The following CGREF1 variants were observed in gnomAD, a reference collection of about 807,000 sequenced individuals.
The protein encoded by CGREF1 is cell growth regulator with EF-hand domain 1, also known as cell growth regulator with EF hand domain protein 1.
A neutral mutation model predicts 17.4 loss-of-function variants in CGREF1; 16 were observed. The ratio of observed to expected loss-of-function variants is 0.92; its 90% confidence interval spans 0.62 to 1.40. The LOEUF (loss-of-function observed/expected upper bound fraction) is 1.40, where lower values mean the gene tolerates loss of function less well. Ranked by LOEUF, CGREF1 falls within the 40% of genes most tolerant of loss-of-function variation. The pLI, the probability that CGREF1 is intolerant of heterozygous loss-of-function variation, is 0.00. For synonymous variants in CGREF1, 142 were observed against 154.6 expected (o/e 0.92, Z 0.61); for missense variants, 296 against 376.4 (o/e 0.79, Z 1.77).
At chr2:27,103,873 C>T (rs1414997398) in intron 2 of CGREF1, among the ~76,000 whole-genome samples, 1 of 152,114 alleles carries the variant, frequency 6.6e-6, no homozygotes, top group Non-Finnish European at 1.5e-5. Context: ...GTCCCAGCTA[C>T]TCGGGAGGCT....
intron 1 of CGREF1, among the ~76,000 whole-genome samples, chr2:27,117,180 G>T (rs1660557818): frequency 6.6e-6 from 1 of 151,998 alleles, no homozygotes; most frequent in African/African-American, 2.4e-5. Flanking sequence ...CAAAGTGCTG[G>T]GATTACAGGC....
At position 27,101,701 on chromosome 2, in the gene CGREF1, A is replaced by C. The variant is rs779348537; in HGVS notation, c.530T>G (p.Leu177Ter). Residue 177 changes from leucine to a stop codon, truncating the protein, a stop_gained, in exon 6 of 6, where the codon TTA (leucine) becomes TGA (stop). Transcript: ENST00000402394. LOFTEE classifies it low-confidence loss of function (END_TRUNC). ...AGGGGCTTCCTGTGTTTCTTGTCTT[A>C]ATGGGCTTTTAGCTAATAGGGACTG... ...GRQSLLAKSP[L>*]RQETQEAPGP... 3 of 1,613,988 alleles carry C rather than the reference A, an allele frequency of 1.9e-6. No individual in the cohort carries two copies. The highest frequency in any genetic ancestry group is 2.5e-6 in the Non-Finnish European group (3 of 1,180,012).
intron 1 of CGREF1, chr2:27,110,548 G>T (rs1671326896): frequency 6.6e-6 from 1 of 150,754 alleles, no homozygotes; most frequent in Non-Finnish European, 1.5e-5. Context: ...AACAAGGGTG[G>T]TTTCTTTAAA....
chr2:27,110,240 AT>A (rs1007300058), intron 1 of CGREF1, among the ~76,000 whole-genome samples: 13 of 152,196 alleles, frequency 8.5e-5, no homozygotes, highest in African/African-American at 2.9e-4. Context: ...ACAGAAAATA[AT>A]TTTTAAAAAA....
At chr2:27,111,601 C>T (rs1434471067) in intron 1 of CGREF1, among the ~76,000 whole-genome samples, 2 of 152,234 alleles carry the variant, frequency 1.3e-5, no homozygotes, top group African/African-American at 4.8e-5. Flanking sequence ...GTGCAGGAGC[C>T]CACGGCAGTG....
Position 27,102,572 on chromosome 2 carries a change from G to A in CGREF1, c.100C>T (p.His34Tyr), listed in dbSNP as rs1328094808. 6.2e-6 allele frequency: 10 copies of A among 1,613,058 alleles called. No homozygotes were observed. The highest frequency in any genetic ancestry group is 7.6e-6 in the Non-Finnish European group (9 of 1,179,866). ...GVTRPDSEVQ[H>Y]QLLPNPFQPG... is the part of the protein sequence containing the mutation. ...TGGAAGGGGTTGGGCAGGAGCTGAT[G>A]CTGCACTTCAGAGTCTGGCCTGGAG... Residue 34 changes from histidine (H) to tyrosine (Y), a missense_variant, in exon 3 of 6, where the codon CAT becomes TAT. His to Tyr is a moderately conservative substitution (Grantham distance 83). This residue lies in a region of CGREF1 where 247 missense variants were observed against 267.2 expected (regional missense o/e 0.92). Transcript: ENST00000402394.
intron 1 of CGREF1, among the ~76,000 whole-genome samples, chr2:27,105,706 C>A (rs1671094134): frequency 6.6e-6 from 1 of 152,176 alleles, no homozygotes; most frequent in Admixed American, 6.5e-5. Flanking sequence ...GCCGCCACAC[C>A]TGGCTAATTT....
chr2:27,118,435 C>T (rs1309312002), intron 1 of CGREF1, among the ~76,000 whole-genome samples: 3 of 152,196 alleles, frequency 2.0e-5, no homozygotes, highest in Admixed American at 6.5e-5. Context: ...GAGGAGCCCA[C>T]ACCCGGGAGC....
At chr2:27,116,916 TCTCTCTC>T (rs1353717918) in intron 1 of CGREF1, among the ~76,000 whole-genome samples, 3,530 of 85,546 alleles carry the variant, frequency 0.041, 251 homozygotes, top group African/African-American at 0.086. Context: ...TCTCTCTCTC[TCTCTCTC>T]TTTTTTTGAG....
At chr2:27,111,937 G>T (rs6734976) in intron 1 of CGREF1, among the ~76,000 whole-genome samples, 2,870 of 152,280 alleles carry the variant, frequency 0.019, 99 homozygotes, top group African/African-American at 0.065. Flanking sequence ...TGGGCTGAAG[G>T]GCTCCTCAAG....
chr2:27,099,612 A>G (rs751705633), downstream of CGREF1: 1 of 1,613,888 alleles, frequency 6.2e-7, no homozygotes, highest in Non-Finnish European at 8.5e-7. Flanking sequence ...AAGGACTGGG[A>G]CCTGTCCCTG....
intron 1 of CGREF1, among the ~76,000 whole-genome samples, chr2:27,118,447 G>T (rs900443389): frequency 1.3e-5 from 2 of 152,164 alleles, no homozygotes; most frequent in East Asian, 1.9e-4. Context: ...CCCGGGAGCT[G>T]GTCCCTCGGC....
Position 27,101,343 on chromosome 2 carries a change from T to A in CGREF1, c.888A>T (p.Thr296=). The part of the protein sequence containing the change: ...GEEAKELPGE[T]LESKNTQNDF... Reference sequence around the variant, plus strand: ...CATTTTGGGTGTTCTTAGACTCCAGTGTTTCCCCTGGAAGTTCCTTGGCCT... The same window carrying A: ...CATTTTGGGTGTTCTTAGACTCCAGAGTTTCCCCTGGAAGTTCCTTGGCCT... The change falls in exon 6 of 6, where the codon ACA becomes ACT. Residue 296 remains threonine (T), a synonymous_variant. Transcript: ENST00000402394. 1 of 1,610,502 alleles carries A rather than the reference T, an allele frequency of 6.2e-7. No individual in the cohort carries two copies. Among genetic ancestry groups the A allele is most frequent in the Non-Finnish European group, 8.5e-7 (1 of 1,178,010 alleles).
downstream of CGREF1, chr2:27,100,533 T>A: frequency 7.7e-7 from 1 of 1,290,868 alleles, no homozygotes; most frequent in Non-Finnish European, 1.0e-6. Flanking sequence ...CAATATAGGG[T>A]GGGTAAGGCC....
Position 27,118,910 on chromosome 2 carries a change from C to A in CGREF1, c.-76G>T. On this transcript the variant is annotated 5_prime_UTR_variant, in exon 1 of 6. Coordinates refer to ENST00000402394, the MANE Select transcript of CGREF1 (RefSeq NM_006569.6). Reference sequence around the variant, plus strand: ...GGGCGCTCCTGGCTGCTGCGCCGCCCGCGCCTCGCCTCCCGCCGCCAGCCT... The same window carrying A: ...GGGCGCTCCTGGCTGCTGCGCCGCCAGCGCCTCGCCTCCCGCCGCCAGCCT... 1.3e-5 allele frequency: 2 copies of A among 152,242 alleles called. No homozygotes were observed. The highest frequency in any genetic ancestry group is 3.7e-4 in the South Asian group (2 of 5,378). 9.4% of individuals were successfully genotyped at this position (152,242 alleles called of 1,614,324 possible).
intron 1 of CGREF1, among the ~76,000 whole-genome samples, chr2:27,113,831 C>T (rs577074681): frequency 6.6e-6 from 1 of 152,242 alleles, no homozygotes; most frequent in African/African-American, 2.4e-5. Flanking sequence ...TGGCTTCACA[C>T]ACCCCCTTCC....
chr2:27,101,590 G>T lies in CGREF1; in HGVS notation c.641C>A (p.Ala214Asp). 6.2e-7 allele frequency: 1 copy of T among 1,613,858 alleles called. No homozygotes were observed. Among genetic ancestry groups the T allele is most frequent in the South Asian group, 1.1e-5 (1 of 91,078 alleles). The change falls in exon 6 of 6, where the codon GCT (alanine) becomes GAT (aspartate). Residue 214 changes from alanine (A) to aspartate (D), a missense_variant. By Grantham distance (126) the Ala-to-Asp change is moderately radical. This residue lies in a region of CGREF1 where 247 missense variants were observed against 267.2 expected (regional missense o/e 0.92). Transcript: ENST00000402394. ...TCTGGGCCCTGGAACATCTCCATCA[G>T]CCTCTGCCTGGCCCCCAGGCTCCTG... ...PVQEPGGQAE[A>D]DGDVPGPRGE...
rs750127784 is a variant in CGREF1 at position 27,102,344 on chromosome 2, C to A, written c.217+16G>T. On this transcript the variant is annotated intron_variant, in intron 4 of 5. Coordinates refer to ENST00000402394, the MANE Select transcript of CGREF1 (RefSeq NM_006569.6). ...CAGAGCCTCCCGTCCCTGGCCCCAT[C>A]AGCCCAGCCCCTCACCCTGCTCCCG... 24 of 1,613,828 alleles carry A rather than the reference C, an allele frequency of 1.5e-5. No individual in the cohort carries two copies. The highest frequency in any genetic ancestry group is 2.0e-5 in the Non-Finnish European group (24 of 1,179,830).
intron 1 of CGREF1, among the ~76,000 whole-genome samples, chr2:27,107,016 C>T (rs534887804): frequency 5.5e-4 from 84 of 152,272 alleles, no homozygotes; most frequent in Non-Finnish European, 8.4e-4. Context: ...GTTGATGGCA[C>T]CCCCAGATGA....
Sources: gnomAD v4.1 joint callset for allele counts (sites outside exome capture counted in the v4.1 genomes callset) on GRCh38, gnomAD v4.1.1 for gene constraint, gnomAD v4.1.1 regional missense constraint, MANE v1.5 for transcripts, NCBI Gene and HGNC (gene_info 2026-07-23, HGNC 2026-07-21) for gene names.